Variants in PREP observed in about 807,000 individuals in gnomAD.
The protein encoded by PREP is dJ355L5.1 (prolyl endopeptidase).
A neutral mutation model predicts 87.6 loss-of-function variants in PREP; 29 were observed. The observed-to-expected ratio is 0.33, with a 90% CI of 0.25 to 0.45. The LOEUF (loss-of-function observed/expected upper bound fraction) is 0.45, where lower values mean the gene tolerates loss of function less well. Among genes scored for constraint, PREP ranks in the 20% least tolerant of loss-of-function variants. PREP has a pLI of 1.00. For synonymous variants in PREP, 337 were observed against 328.6 expected (o/e 1.03, Z -0.28); for missense variants, 695 against 886.5 (o/e 0.78, Z 2.74).
chr6:105,377,460 T>C lies in PREP; in HGVS notation c.180A>G (p.Arg60=). 1 of 1,613,624 alleles carries C rather than the reference T, an allele frequency of 6.2e-7. No homozygotes were observed. The highest frequency in any genetic ancestry group is 8.5e-7 in the Non-Finnish European group (1 of 1,179,538). The change falls in exon 3 of 15, where the codon AGA becomes AGG. Residue 60 remains arginine (R), a synonymous_variant. Transcript: ENST00000652536. ...TVPFLEQCPI[R]GLYKERMTEL... is the part of the protein sequence containing the mutation. The stretch of plus-strand genomic sequence containing the variant: ...CAGTCATTCTCTCTTTGTATAAACC[T>C]CTGATGGGACACTGCTCAAGAAATG...
intron 1 of PREP, 66 bp downstream of exon 1, chr6:105,402,781 G>A: frequency 2.1e-6 from 3 of 1,420,022 alleles, no homozygotes; most frequent in Admixed American, 2.1e-5. Flanking sequence ...AGCTGCGGGT[G>A]CCACGGGTCA....
At position 105,294,809 on chromosome 6, in the gene PREP, C is replaced by T. The variant is rs1478164750; in HGVS notation, c.1318-5915G>A. Among the ~76,000 whole-genome samples the T allele has an allele frequency of 3.9e-5, 6 of 152,312 alleles. No individual in the cohort carries two copies. The South Asian group carries it at 1.2e-3, about 32-fold the overall frequency. On this transcript the variant is annotated intron_variant, in intron 10 of 14. Coordinates refer to ENST00000652536, the MANE Select transcript of PREP (RefSeq NM_002726.5). ...TCGCCACTTCTGTCATTTCCTTACCCCTGGAATATCTGCTTTTATTTTTTT... is the reference window on the plus strand; with the variant it reads ...TCGCCACTTCTGTCATTTCCTTACCTCTGGAATATCTGCTTTTATTTTTTT...
At chr6:105,289,764 T>TA (rs1770257001) in intron 10 of PREP, among the ~76,000 whole-genome samples, 1 of 152,206 alleles carries the variant, frequency 6.6e-6, no homozygotes, top group Non-Finnish European at 1.5e-5. Flanking sequence ...ATGGTGTTTT[T>TA]ACCCCCAAAC....
chr6:105,341,157 T>C (rs899412798), intron 7 of PREP, among the ~76,000 whole-genome samples: 1 of 152,108 alleles, frequency 6.6e-6, no homozygotes, highest in African/African-American at 2.4e-5. Context: ...CCCCAGCAAA[T>C]GTAAAAGAAC....
chr6:105,367,797 T>G (rs997712266), intron 6 of PREP, among the ~76,000 whole-genome samples: 2 of 152,232 alleles, frequency 1.3e-5, no homozygotes, highest in African/African-American at 4.8e-5. Context: ...AGTCCATATT[T>G]TCAGCTTTGT....
intron 12 of PREP, among the ~76,000 whole-genome samples, chr6:105,283,782 G>C (rs756804789): frequency 2.0e-5 from 3 of 152,206 alleles, no homozygotes; most frequent in Non-Finnish European, 2.9e-5. Context: ...ATAGTCTACT[G>C]TTAGCCTTAG....
intron 11 of PREP, among the ~76,000 whole-genome samples, chr6:105,288,032 A>G (rs73512059): frequency 0.015 from 2,288 of 152,348 alleles, 55 homozygotes; most frequent in African/African-American, 0.053. Flanking sequence ...ACGTTAAGAC[A>G]GTCTATTTTA....
intron 10 of PREP, among the ~76,000 whole-genome samples, chr6:105,297,986 T>C (rs1770446308): frequency 2.0e-5 from 3 of 152,174 alleles, no homozygotes; most frequent in Non-Finnish European, 4.4e-5. Context: ...AAACCAAACA[T>C]TACGACAGTG....
intron 2 of PREP, 83 bp downstream of exon 2, chr6:105,397,769 GA>G: frequency 9.1e-7 from 1 of 1,099,232 alleles, no homozygotes; most frequent in Middle Eastern, 2.0e-4. Flanking sequence ...GAGAACACCA[GA>G]AAGGAAAAGC....
In PREP at chr6:105,330,313, G is replaced by A. The variant is rs572147481; in HGVS notation, c.1016-1287C>T. Among the ~76,000 whole-genome samples, 80 of 152,306 alleles carry A rather than the reference G, an allele frequency of 5.3e-4. No homozygotes were observed. The South Asian group carries it at 0.016, about 30-fold the overall frequency. On this transcript the variant is annotated intron_variant, in intron 8 of 14. Coordinates refer to ENST00000652536, the MANE Select transcript of PREP (RefSeq NM_002726.5). ...TAAGAGCACTATTGCAACAAGCCGGGGAGAACACCACATCAAGCGGGAGAT... is the reference window on the plus strand; with the variant it reads ...TAAGAGCACTATTGCAACAAGCCGGAGAGAACACCACATCAAGCGGGAGAT...
At chr6:105,328,221 T>C (rs565894389) in intron 9 of PREP, among the ~76,000 whole-genome samples, 2 of 152,314 alleles carry the variant, frequency 1.3e-5, no homozygotes, top group African/African-American at 4.8e-5. Flanking sequence ...CTCATGCATA[T>C]AGACCAAAGA....
chr6:105,332,302 C>A (rs1771355637), intron 8 of PREP, among the ~76,000 whole-genome samples: 1 of 152,032 alleles, frequency 6.6e-6, no homozygotes, highest in Non-Finnish European at 1.5e-5. Flanking sequence ...CCTGCCACCC[C>A]CAAGCAACGC....
intron 2 of PREP, among the ~76,000 whole-genome samples, chr6:105,382,613 C>A (rs190953640): frequency 6.6e-6 from 1 of 150,876 alleles, no homozygotes. Context: ...AATATTTATA[C>A]AAAACACTAC....
chr6:105,348,544 A>G (rs1771860498), intron 7 of PREP, among the ~76,000 whole-genome samples: 1 of 152,088 alleles, frequency 6.6e-6, no homozygotes, highest in Non-Finnish European at 1.5e-5. Context: ...AGAATGGGGG[A>G]AAGGAGGAGA....
intron 2 of PREP, among the ~76,000 whole-genome samples, chr6:105,389,548 T>C (rs939134434): frequency 2.3e-4 from 35 of 152,222 alleles, no homozygotes; most frequent in Non-Finnish European, 4.6e-4. Context: ...CTTTTATACC[T>C]GTAATTTCTG....
At chr6:105,352,728 G>A (rs1445688396) in intron 7 of PREP, among the ~76,000 whole-genome samples, 1 of 152,116 alleles carries the variant, frequency 6.6e-6, no homozygotes, top group Non-Finnish European at 1.5e-5. Context: ...ATACTCACGG[G>A]ATATTTTCAC....
intron 11 of PREP, among the ~76,000 whole-genome samples, chr6:105,286,109 T>C (rs990295694): frequency 9.2e-5 from 14 of 152,208 alleles, no homozygotes; most frequent in African/African-American, 3.4e-4. Context: ...ATTCAGTGTC[T>C]TATTTTTCTA....
chr6:105,374,632 TTATATATATATATATATATATATATATA>T (rs61452752), intron 4 of PREP, among the ~76,000 whole-genome samples: 1,622 of 91,810 alleles, frequency 0.018, 38 homozygotes, highest in Non-Finnish European at 0.019. Context: ...TTTGAATTGT[TTATATATATATATATATATATATATATA>T]TATATATATA....
chr6:105,303,141 AT>A (rs1239906368), intron 10 of PREP, among the ~76,000 whole-genome samples: 12 of 152,050 alleles, frequency 7.9e-5, no homozygotes, highest in Non-Finnish European at 1.8e-4. Context: ...GTATGTATGT[AT>A]GTATGTATGT....
Sources: gnomAD v4.1 joint callset for allele counts (sites outside exome capture counted in the v4.1 genomes callset) on GRCh38, gnomAD v4.1.1 for gene constraint, MANE v1.5 for transcripts, NCBI Gene and HGNC (gene_info 2026-07-23, HGNC 2026-07-21) for gene names.